NOS1AP: variants seen among roughly 807,000 people sequenced by gnomAD.
The protein encoded by NOS1AP is carboxyl-terminal PDZ ligand of neuronal nitric oxide synthase protein.
Under a neutral mutation model 56.2 loss-of-function variants are expected in NOS1AP, and 21 were observed. That is an observed-to-expected ratio of 0.37 (90% CI 0.26 to 0.54). The LOEUF (loss-of-function observed/expected upper bound fraction) is 0.54. Ranked by LOEUF, NOS1AP falls within the 20% of genes least tolerant of loss-of-function variation. The pLI is 0.84. For missense variants in NOS1AP, 522 were observed against 657.8 expected, an observed-to-expected ratio of 0.79 and a Z score of 2.26; for synonymous variants, 270 against 274.6, an observed-to-expected ratio of 0.98 and a Z score of 0.17.
chr1:162,200,071 CTT>C (rs1416515527), intron 2 of NOS1AP, among the ~76,000 whole-genome samples: 2 of 152,140 alleles, frequency 1.3e-5, no homozygotes, highest in Non-Finnish European at 2.9e-5. Flanking sequence ...GGCTTGGGTT[CTT>C]CCATTTGTGC....
At chr1:162,314,516 T>A (rs1009400989) in intron 4 of NOS1AP, among the ~76,000 whole-genome samples, 1 of 152,220 alleles carries the variant, frequency 6.6e-6, no homozygotes, top group African/African-American at 2.4e-5. Flanking sequence ...TTCTTAAATG[T>A]GTAAAGGGAA....
chr1:162,092,412 G>A (rs895902640), intron 1 of NOS1AP, among the ~76,000 whole-genome samples: 1 of 152,188 alleles, frequency 6.6e-6, no homozygotes, highest in African/African-American at 2.4e-5. Flanking sequence ...GGCTTCGTCA[G>A]TCCTGTTGAA....
At chr1:162,113,762 A>G (rs1280838381) in intron 1 of NOS1AP, among the ~76,000 whole-genome samples, 4 of 152,064 alleles carry the variant, frequency 2.6e-5, no homozygotes, top group Non-Finnish European at 5.9e-5. Flanking sequence ...CACCTCCCAT[A>G]CTGCGGATTA....
At chr1:162,264,103 T>G (rs1430146520) in intron 2 of NOS1AP, among the ~76,000 whole-genome samples, 1 of 152,248 alleles carries the variant, frequency 6.6e-6, no homozygotes, top group African/African-American at 2.4e-5. Flanking sequence ...GTGACCAAGA[T>G]GAGCTTTTGG....
intron 2 of NOS1AP, among the ~76,000 whole-genome samples, chr1:162,258,888 T>A (rs1654118914): frequency 6.6e-6 from 1 of 152,156 alleles, no homozygotes; most frequent in African/African-American, 2.4e-5. Flanking sequence ...GTTGGCAGGG[T>A]GTGTTATAGG....
chr1:162,333,071 T>A lies in NOS1AP; in HGVS notation c.399T>A (p.Ala133=), dbSNP rs148618057. 6.3e-5 allele frequency: 101 copies of A among 1,613,918 alleles called. No homozygotes were observed. The Middle Eastern group carries it at 1.5e-3, about 24-fold the overall frequency. Residue 133 remains alanine (A), a synonymous_variant, in exon 5 of 10, where the codon GCT becomes GCA. Transcript: ENST00000361897. ...SQDLKIFSYI[A]RDGASNIFRC... ...ACTTGAAGATCTTCAGCTATATCGC[T>A]CGAGATGGTGCCAGCAATATCTTCA... is the stretch of plus-strand genomic sequence containing the variant.
At chr1:162,081,752 A>G (rs1365823138) in intron 1 of NOS1AP, among the ~76,000 whole-genome samples, 1 of 52,476 alleles carries the variant, frequency 1.9e-5, no homozygotes, top group African/African-American at 6.2e-5. Context: ...ATCTATATCT[A>G]TAGATATATA....
chr1:162,206,573 G>T (rs1254391291), intron 2 of NOS1AP, among the ~76,000 whole-genome samples: 1 of 152,238 alleles, frequency 6.6e-6, no homozygotes, highest in African/African-American at 2.4e-5. Flanking sequence ...AACCTCTGAA[G>T]TTAGGTAAGC....
At chr1:162,292,275 G>T (rs1299247813) in intron 3 of NOS1AP, among the ~76,000 whole-genome samples, 2 of 152,192 alleles carry the variant, frequency 1.3e-5, no homozygotes, top group Non-Finnish European at 1.5e-5. Flanking sequence ...TAGCTTTAGG[G>T]GGCAGGGACC....
chr1:162,362,361 G>A (rs1317163915), intron 8 of NOS1AP, among the ~76,000 whole-genome samples: 1 of 151,024 alleles, frequency 6.6e-6, no homozygotes, highest in Non-Finnish European at 1.5e-5. Context: ...TGAGGCAGGA[G>A]AATCGCTTGA....
chr1:162,132,625 C>T (rs1648801112), intron 1 of NOS1AP, among the ~76,000 whole-genome samples: 2 of 152,188 alleles, frequency 1.3e-5, no homozygotes, highest in Admixed American at 6.5e-5. Flanking sequence ...CTAATCTTAG[C>T]TCATTAAAGC....
rs76819972 is a variant in NOS1AP, at chr1:162,146,132, T to G, written c.106-8273T>G. 5.3e-3 allele frequency among the ~76,000 whole-genome samples: 813 copies of G among 152,302 alleles called. 9 individuals carry two copies. Among genetic ancestry groups the G allele is most frequent in the African/African-American group, 0.018 (767 of 41,560 alleles). On this transcript the variant is annotated intron_variant, in intron 1 of 9. Transcript: ENST00000361897. ...CAGGGACCTTTACGTTATGCCTATT[T>G]CTGGGGGCCCTGTCCTTTCCTGCGG...
At chr1:162,184,617 C>T (rs1366305001) in intron 2 of NOS1AP, among the ~76,000 whole-genome samples, 2 of 152,176 alleles carry the variant, frequency 1.3e-5, no homozygotes, top group South Asian at 2.1e-4. Flanking sequence ...CTGACTCCAG[C>T]ACTTTACTCT....
intron 2 of NOS1AP, among the ~76,000 whole-genome samples, chr1:162,260,887 T>C (rs913539925): frequency 3.3e-5 from 5 of 152,164 alleles, no homozygotes; most frequent in Admixed American, 3.3e-4. Context: ...CGAGGTGTGG[T>C]TACAAGGTAA....
intron 2 of NOS1AP, among the ~76,000 whole-genome samples, chr1:162,187,433 G>T (rs1651478817): frequency 6.6e-6 from 1 of 152,024 alleles, no homozygotes; most frequent in Non-Finnish European, 1.5e-5. Flanking sequence ...CATTTAGCTT[G>T]TTTCTAGTTT....
At chr1:162,131,846 A>G (rs957944232) in intron 1 of NOS1AP, among the ~76,000 whole-genome samples, 2 of 152,166 alleles carry the variant, frequency 1.3e-5, no homozygotes, top group African/African-American at 2.4e-5. Context: ...TATGTCTGGC[A>G]TTATTCCCTG....
intron 2 of NOS1AP, among the ~76,000 whole-genome samples, chr1:162,275,404 C>T (rs906090265): frequency 6.6e-6 from 1 of 152,192 alleles, no homozygotes; most frequent in Non-Finnish European, 1.5e-5. Flanking sequence ...TCTTGAACTC[C>T]TGACCTCAGG....
intron 1 of NOS1AP, among the ~76,000 whole-genome samples, chr1:162,090,322 A>G (rs1410299840): frequency 6.6e-6 from 1 of 151,694 alleles, no homozygotes; most frequent in African/African-American, 2.4e-5. Flanking sequence ...TCTTTTCCTT[A>G]TAATTTGTAT....
At chr1:162,348,876 G>A (rs1457572050) in intron 6 of NOS1AP, among the ~76,000 whole-genome samples, 1 of 152,182 alleles carries the variant, frequency 6.6e-6, no homozygotes, top group East Asian at 1.9e-4. Flanking sequence ...AGGTAGGTCG[G>A]CCTTTGCTCT....
Sources: allele counts gnomAD v4.1 joint callset (sites outside exome capture counted in the v4.1 genomes callset), GRCh38; gene constraint gnomAD v4.1.1; transcripts MANE v1.5; gene names NCBI Gene and HGNC (gene_info 2026-07-23, HGNC 2026-07-21).